The following DPP6 variants were observed in gnomAD, a reference collection of about 807,000 sequenced individuals.
The protein encoded by DPP6 is A-type potassium channel modulatory protein DPP6.
A neutral mutation model predicts 122.6 loss-of-function variants in DPP6; 69 were observed. The ratio of observed to expected loss-of-function variants is 0.56; its 90% CI spans 0.46 to 0.69. The LOEUF (loss-of-function observed/expected upper bound fraction) is 0.69. Among genes scored for constraint, DPP6 ranks in the 30% least tolerant of loss-of-function variants. The pLI is 0.00. For missense variants in DPP6, 928 were observed against 1,116.9 expected (o/e 0.83, Z 2.41); for synonymous variants, 418 against 433.1 (o/e 0.97, Z 0.43).
chr7:153,770,370 C>T, the DPP6 span, among the ~76,000 whole-genome samples: 4 of 152,068 alleles, frequency 2.6e-5, no homozygotes, highest in African/African-American at 7.2e-5. Flanking sequence ...TGGCTGAAGC[C>T]GAGGACAAAG....
At chr7:154,786,370 C>T (rs1797334725) in intron 10 of DPP6, among the ~76,000 whole-genome samples, 1 of 152,138 alleles carries the variant, frequency 6.6e-6, no homozygotes, top group Admixed American at 6.5e-5. Context: ...GGCTATGTCC[C>T]CACCCAAATC....
intron 1 of DPP6, among the ~76,000 whole-genome samples, chr7:153,996,371 A>G (rs180700435): frequency 1.3e-4 from 20 of 152,302 alleles, no homozygotes; most frequent in Admixed American, 9.8e-4. Context: ...AGAAAGATGT[A>G]GGGACGGAGA....
At chr7:154,024,746 C>T (rs541274782) in intron 1 of DPP6, among the ~76,000 whole-genome samples, 1 of 152,284 alleles carries the variant, frequency 6.6e-6, no homozygotes, top group South Asian at 2.1e-4. Context: ...AAATGGAGTC[C>T]GAGCAGCGGG....
intron 1 of DPP6, among the ~76,000 whole-genome samples, chr7:154,318,189 A>C (rs1807599848): frequency 6.6e-6 from 1 of 152,246 alleles, no homozygotes; most frequent in African/African-American, 2.4e-5. Context: ...GTCTCAAATC[A>C]GCTAGTGTTG....
At chr7:154,007,561 C>G (rs987651682) in intron 1 of DPP6, among the ~76,000 whole-genome samples, 3 of 152,160 alleles carry the variant, frequency 2.0e-5, no homozygotes, top group African/African-American at 7.2e-5. Flanking sequence ...GACAGATATT[C>G]CTGTCCCCAT....
chr7:154,021,370 C>T (rs1363921836), intron 1 of DPP6, among the ~76,000 whole-genome samples: 2 of 152,110 alleles, frequency 1.3e-5, no homozygotes, highest in Non-Finnish European at 2.9e-5. Flanking sequence ...TCCCTGATGC[C>T]GGTACTCAGG....
the DPP6 span, among the ~76,000 whole-genome samples, chr7:153,849,258 A>G: frequency 1.3e-5 from 2 of 150,090 alleles, no homozygotes; most frequent in Admixed American, 1.3e-4. Context: ...AATAATTACC[A>G]GAGACATATA....
intron 5 of DPP6, among the ~76,000 whole-genome samples, chr7:154,592,207 C>T (rs1586698563): frequency 6.6e-6 from 1 of 152,178 alleles, no homozygotes; most frequent in South Asian, 2.1e-4. Flanking sequence ...AGATGTGGGC[C>T]AGAGTAAGGC....
chr7:154,304,845 C>T (rs966532235), intron 1 of DPP6, among the ~76,000 whole-genome samples: 1 of 152,322 alleles, frequency 6.6e-6, no homozygotes, highest in Admixed American at 6.5e-5. Context: ...CAAAGGGCAT[C>T]CCTCCTGGGG....
chr7:154,021,378 A>G (rs1026376780), intron 1 of DPP6, among the ~76,000 whole-genome samples: 3 of 151,918 alleles, frequency 2.0e-5, no homozygotes, highest in East Asian at 3.9e-4. Flanking sequence ...GCCGGTACTC[A>G]GGGGTGCTGT....
In DPP6 at chr7:153,936,830, A is replaced by G. The variant is rs112011989; in HGVS notation, c.51+49096A>G. On this transcript the variant is annotated intron_variant, in intron 1 of 25. Coordinates refer to the DPP6 transcript ENST00000404039. ...CGTCTCAAAAAAAAAAAGAAATGTGAGAGGAAGTGACGCGTGACCCTTCAG... is the reference window on the plus strand; with the variant it reads ...CGTCTCAAAAAAAAAAAGAAATGTGGGAGGAAGTGACGCGTGACCCTTCAG... Among the ~76,000 whole-genome samples, 1,017 of 151,088 alleles carry G rather than the reference A, an allele frequency of 6.7e-3. 4 individuals carry two copies. Among genetic ancestry groups the G allele is most frequent in the Non-Finnish European group, 8.9e-3 (602 of 67,836 alleles).
chr7:154,625,013 A>T (rs1834974843), intron 5 of DPP6, among the ~76,000 whole-genome samples: 1 of 152,204 alleles, frequency 6.6e-6, no homozygotes, highest in Non-Finnish European at 1.5e-5. Flanking sequence ...TGTTGTGTGG[A>T]TTAATGGCCA....
intron 1 of DPP6, among the ~76,000 whole-genome samples, chr7:153,941,154 C>T (rs937801414): frequency 3.9e-5 from 6 of 152,178 alleles, no homozygotes; most frequent in Admixed American, 1.3e-4. Flanking sequence ...TAAATGAGTT[C>T]GTGCATAGCA....
rs141445811 is a variant in DPP6, at chr7:154,789,165, T to C, written c.1137-4914T>C. On this transcript the variant is annotated intron_variant, in intron 10 of 25. Transcript: ENST00000377770. The stretch of plus-strand genomic sequence containing the variant: ...TCTGACTTTTTAGGTGCTACTGAGC[T>C]CTTCTCCGGTGTAAATCTGGAAGAC... 1.3e-4 allele frequency among the ~76,000 whole-genome samples: 20 copies of C among 152,346 alleles called. No homozygotes were observed. The East Asian group carries it at 3.9e-3, about 29-fold the overall frequency.
chr7:153,962,529 A>G (rs1321684294), intron 1 of DPP6, among the ~76,000 whole-genome samples: 2 of 152,152 alleles, frequency 1.3e-5, no homozygotes, highest in Non-Finnish European at 2.9e-5. Context: ...TGGTGTCACA[A>G]CCACCCACCA....
At chr7:154,053,126 G>T in intron 1 of DPP6, 63 bp downstream of exon 1, 2 of 965,650 alleles carry the variant, frequency 2.1e-6, no homozygotes, top group Non-Finnish European at 2.5e-6. Flanking sequence ...GCAGCGAGAC[G>T]CGTCGGCAGG....
At chr7:154,338,943 TG>T (rs1809673013) in intron 1 of DPP6, among the ~76,000 whole-genome samples, 2 of 152,222 alleles carry the variant, frequency 1.3e-5, no homozygotes, top group South Asian at 2.1e-4. Flanking sequence ...GCAGCCTCAA[TG>T]CTCTACCGAT....
At chr7:154,157,874 G>A (rs1314569665) in intron 1 of DPP6, among the ~76,000 whole-genome samples, 5 of 151,370 alleles carry the variant, frequency 3.3e-5, no homozygotes, top group African/African-American at 7.3e-5. Flanking sequence ...CAGAGGTTGC[G>A]GTGAGCTGAG....
At chr7:154,776,484 T>G (rs1035648470) in intron 10 of DPP6, among the ~76,000 whole-genome samples, 1 of 152,116 alleles carries the variant, frequency 6.6e-6, no homozygotes, top group African/African-American at 2.4e-5. Context: ...CTTCAATTCA[T>G]CCCAGTGGAA....
Sources: allele counts gnomAD v4.1 joint callset (sites outside exome capture counted in the v4.1 genomes callset), GRCh38; gene constraint gnomAD v4.1.1; transcripts MANE v1.5; gene names NCBI Gene and HGNC (gene_info 2026-07-23, HGNC 2026-07-21).